Variants in GFRA2 observed in about 807,000 individuals in gnomAD.
The protein encoded by GFRA2 is GDNF family receptor alpha 2, also known as GDNF family receptor alpha-2.
In GFRA2, 17 loss-of-function variants were observed where a neutral mutation model predicts 48.3. The observed-to-expected ratio is 0.35, with a 90% CI of 0.24 to 0.53. GFRA2 has a LOEUF of 0.53. Ranked by LOEUF, GFRA2 falls within the 20% of genes least tolerant of loss-of-function variation. GFRA2 has a pLI of 0.93. For synonymous variants in GFRA2, 305 were observed against 257.2 expected, an observed-to-expected ratio of 1.19 and a Z score of -1.78; for missense variants, 660 against 637.3, an observed-to-expected ratio of 1.04 and a Z score of -0.38.
At chr8:21,808,297 T>C (rs1421234786) in intron 1 of GFRA2, among the ~76,000 whole-genome samples, 3 of 152,200 alleles carry the variant, frequency 2.0e-5, no homozygotes, top group Non-Finnish European at 2.9e-5. Context: ...GGCTCTGTTA[T>C]TTTTGAAATC....
intron 2 of GFRA2, among the ~76,000 whole-genome samples, chr8:21,778,016 C>A (rs999424852): frequency 1.3e-5 from 2 of 152,178 alleles, no homozygotes; most frequent in Non-Finnish European, 2.9e-5. Flanking sequence ...ACCTGCTGTG[C>A]GCCTTGACTG....
chr8:21,747,462 A>T (rs937280702), intron 4 of GFRA2, among the ~76,000 whole-genome samples: 1 of 152,052 alleles, frequency 6.6e-6, no homozygotes, highest in African/African-American at 2.4e-5. Flanking sequence ...AATAAGATAT[A>T]TTTTTTTAAG....
At chr8:21,748,032 C>T (rs938646031) in intron 4 of GFRA2, among the ~76,000 whole-genome samples, 3 of 152,140 alleles carry the variant, frequency 2.0e-5, no homozygotes, top group African/African-American at 7.2e-5. Flanking sequence ...CACTTAAACA[C>T]TGAGGATGCC....
chr8:21,745,638 C>T (rs1257972736), intron 4 of GFRA2, among the ~76,000 whole-genome samples: 2 of 152,216 alleles, frequency 1.3e-5, no homozygotes, highest in African/African-American at 4.8e-5. Context: ...TTCCCAGGCA[C>T]AGTCGAGAGC....
intron 3 of GFRA2, among the ~76,000 whole-genome samples, chr8:21,771,009 C>G (rs868373301): frequency 1.3e-5 from 2 of 152,180 alleles, no homozygotes; most frequent in Non-Finnish European, 2.9e-5. Context: ...CTGCATCCAA[C>G]TAAACAACCT....
At chr8:21,707,381 G>T (rs1338704787) in intron 4 of GFRA2, among the ~76,000 whole-genome samples, 2 of 152,244 alleles carry the variant, frequency 1.3e-5, no homozygotes, top group Admixed American at 1.3e-4. Flanking sequence ...GGCTGAGAGG[G>T]ACTGAGCCAG....
intron 4 of GFRA2, among the ~76,000 whole-genome samples, chr8:21,743,663 C>A (rs1804859754): frequency 1.3e-5 from 2 of 152,174 alleles, no homozygotes; most frequent in South Asian, 2.1e-4. Context: ...CCCAGGACCC[C>A]CACTCCTCCC....
intron 4 of GFRA2, among the ~76,000 whole-genome samples, chr8:21,721,407 G>C (rs1284071646): frequency 1.3e-5 from 2 of 152,200 alleles, no homozygotes; most frequent in Non-Finnish European, 2.9e-5. Context: ...ACATGAAGAA[G>C]TGCCTTGGGG....
intron 8 of GFRA2, among the ~76,000 whole-genome samples, chr8:21,694,091 A>ATATATATATATATATATATATATATAT (rs1802035893): frequency 7.2e-6 from 1 of 139,754 alleles, no homozygotes; most frequent in Admixed American, 7.2e-5. Flanking sequence ...ATATATATAT[A>ATATATATATATATATATATATATATAT]TTTCCTATAG....
At chr8:21,699,038 G>A (rs1028930324) in intron 7 of GFRA2, among the ~76,000 whole-genome samples, 3 of 152,194 alleles carry the variant, frequency 2.0e-5, no homozygotes, top group Admixed American at 1.3e-4. Context: ...CGCAGCAGGT[G>A]CACCAATCAC....
chr8:21,771,775 T>G (rs1229045644), intron 3 of GFRA2, among the ~76,000 whole-genome samples: 1 of 152,142 alleles, frequency 6.6e-6, no homozygotes, highest in Non-Finnish European at 1.5e-5. Context: ...CTGGAGGTAG[T>G]ACAACCCAGA....
At chr8:21,693,564 C>G (rs1801979712) in intron 8 of GFRA2, among the ~76,000 whole-genome samples, 164 bp from the exon 9 acceptor site, 1 of 152,068 alleles carries the variant, frequency 6.6e-6, no homozygotes, top group African/African-American at 2.4e-5. Flanking sequence ...CTGAAGGGAG[C>G]GCTGACTCTC....
At chr8:21,747,387 G>A (rs937393637) in intron 4 of GFRA2, among the ~76,000 whole-genome samples, 1 of 152,076 alleles carries the variant, frequency 6.6e-6, no homozygotes, top group African/African-American at 2.4e-5. Context: ...CCTCTCTAAG[G>A]CTGGCCTTCC....
chr8:21,795,357 TTTTTTTCTTTTTTC>T (rs1259488153), intron 2 of GFRA2, among the ~76,000 whole-genome samples: 36 of 151,612 alleles, frequency 2.4e-4, no homozygotes, highest in Non-Finnish European at 3.7e-4. Flanking sequence ...CATTGTCTTT[TTTTTTTCTTTTTTC>T]TTTTTTCTTT....
At chr8:21,722,374 ACTTGCTGATG>A (rs1803642162) in intron 4 of GFRA2, among the ~76,000 whole-genome samples, 1 of 152,202 alleles carries the variant, frequency 6.6e-6, no homozygotes, top group Non-Finnish European at 1.5e-5. Context: ...TGTGGTCCCA[ACTTGCTGATG>A]CAAGATGAAA....
At chr8:21,758,190 C>T (rs892983125) in intron 3 of GFRA2, among the ~76,000 whole-genome samples, 3 of 138,566 alleles carry the variant, frequency 2.2e-5, no homozygotes, top group Non-Finnish European at 4.6e-5. Context: ...AGCAGGGCTG[C>T]CCTTGGCCCA....
At chr8:21,790,103 G>A (rs1197182059), upstream of GFRA2, 6 of 985,058 alleles carry the variant, frequency 6.1e-6, no homozygotes, top group Non-Finnish European at 7.2e-6. Context: ...TACAATAAAC[G>A]CCCAGAAGGA....
In GFRA2 at chr8:21,726,357, G is replaced by C. The variant is rs573659737; in HGVS notation, c.795-20316C>G. 5.9e-5 allele frequency among the ~76,000 whole-genome samples: 9 copies of C among 152,322 alleles called. No individual in the cohort carries two copies. In the South Asian group the frequency reaches 1.9e-3, roughly 32 times the overall value. On this transcript the variant is annotated intron_variant, in intron 4 of 8. Transcript: ENST00000524240. ...ACATGAACAAGACAGTCCTTCTCTGGCTGGTGACAGCCCCTGGAGAAACAT... is the reference window on the plus strand; with the variant it reads ...ACATGAACAAGACAGTCCTTCTCTGCCTGGTGACAGCCCCTGGAGAAACAT...
chr8:21,781,660 C>CCG (rs1488569686), intron 2 of GFRA2, among the ~76,000 whole-genome samples: 1 of 152,080 alleles, frequency 6.6e-6, no homozygotes, highest in Non-Finnish European at 1.5e-5. Flanking sequence ...TCCGCACCTC[C>CCG]CCAGACTCGG....
Sources: gnomAD v4.1 joint callset for allele counts (sites outside exome capture counted in the v4.1 genomes callset) on GRCh38, gnomAD v4.1.1 for gene constraint, MANE v1.5 for transcripts, NCBI Gene and HGNC (gene_info 2026-07-23, HGNC 2026-07-21) for gene names.